Variants in TRPM1 observed in about 807,000 individuals in gnomAD.
TRPM1 encodes the protein TRPM1-203 APA Isoform, Intron 10.
Under a neutral mutation model 149.4 loss-of-function variants are expected in TRPM1, and 113 were observed. The ratio of observed to expected loss-of-function variants is 0.76; its 90% CI spans 0.65 to 0.88. The LOEUF (loss-of-function observed/expected upper bound fraction) is 0.88, where lower values mean the gene tolerates loss of function less well. Ranked by LOEUF, TRPM1 falls within the 40% of genes least tolerant of loss-of-function variation. The probability of loss-of-function intolerance (pLI) is 0.00; values close to 1 mark genes in which losing one functional copy is unlikely to be tolerated. For synonymous variants in TRPM1, 741 were observed against 759.5 expected (o/e 0.98, Z 0.40); for missense variants, 1,976 against 2,038.7 (o/e 0.97, Z 0.59).
chr15:31,075,881 G>GT (rs201131359), intron 3 of TRPM1, among the ~76,000 whole-genome samples: 1,858 of 142,854 alleles, frequency 0.013, 9 homozygotes, highest in Non-Finnish European at 0.017. Flanking sequence ...TTTCATTCTA[G>GT]TTTTTTTTTT....
rs757425182 is a variant in TRPM1, at chr15:31,002,471, T to A, written c.4229A>T (p.His1410Leu). 3 of 1,614,250 alleles carry A rather than the reference T, an allele frequency of 1.9e-6. No homozygotes were observed. The highest frequency in any genetic ancestry group is 2.5e-6 in the Non-Finnish European group (3 of 1,180,040). Residue 1410 changes from histidine (H) to leucine (L), a missense_variant, in exon 28 of 28, where the codon CAT (histidine) becomes CTT (leucine). His to Leu is a moderately conservative substitution (Grantham distance 99). This residue lies in a region of TRPM1 where 572 missense variants were observed against 578.9 expected (regional missense o/e 0.99). Coordinates refer to ENST00000256552, the MANE Select transcript of TRPM1 (RefSeq NM_001252024.2). Reference sequence around the variant, plus strand: ...TTGAACATCTGATTTGTCCTGTCCATGTATCACATCTGTTTTATTTAAACT... The same window carrying A: ...TTGAACATCTGATTTGTCCTGTCCAAGTATCACATCTGTTTTATTTAAACT... ...SPSLNKTDVI[H>L]GQDKSDVQNT...
chr15:31,033,873 C>T (rs972820613), intron 21 of TRPM1, among the ~76,000 whole-genome samples: 1 of 152,054 alleles, frequency 6.6e-6, no homozygotes, highest in African/African-American at 2.4e-5. Flanking sequence ...TTGAATGAGG[C>T]CCAGCTAGAA....
intron 1 of TRPM1, among the ~76,000 whole-genome samples, chr15:31,160,516 C>T (rs1431958769): frequency 6.6e-6 from 1 of 152,186 alleles, no homozygotes; most frequent in African/African-American, 2.4e-5. Context: ...ACATCTGATG[C>T]AGAACAGAGG....
intron 1 of TRPM1, among the ~76,000 whole-genome samples, chr15:31,094,133 A>T (rs773420096): frequency 6.6e-6 from 1 of 152,212 alleles, no homozygotes; most frequent in Non-Finnish European, 1.5e-5. Context: ...GTCAACTAAT[A>T]GTGCTTGGAA....
rs2141099438 is a variant in TRPM1 at position 31,002,372 on chromosome 15, G to A, written c.4328C>T (p.Thr1443Ile). The A allele has an allele frequency of 6.2e-7, 1 of 1,614,218 alleles. No individual in the cohort carries two copies. Among genetic ancestry groups the A allele is most frequent in the Non-Finnish European group, 8.5e-7 (1 of 1,180,040 alleles). The change falls in exon 28 of 28, where the codon ACA becomes ATA. Residue 1443 changes from threonine (T) to isoleucine (I), a missense_variant. Physicochemically the swap from Thr to Ile is moderately conservative, Grantham distance 89. Around this residue, in one of 3 missense-constraint regions of TRPM1, gnomAD observed 572 missense variants for 578.9 expected, o/e 0.99. Transcript: ENST00000256552. ...ISYPLEETKITRYFPDETINA... is the reference protein window; with the variant it reads ...ISYPLEETKIIRYFPDETINA... ...GATCGTTTCATCGGGGAAATAGCGT[G>A]TAATTTTGGTTTCTTCCAGGGGATA...
In TRPM1 at chr15:31,028,492, A is replaced by C; in HGVS notation, c.3149-16T>G. On this transcript the variant is annotated splice_polypyrimidine_tract_variant and intron_variant, in intron 24 of 27. Coordinates refer to ENST00000256552, the MANE Select transcript of TRPM1 (RefSeq NM_001252024.2). ...CCACAAGGAGCTGAAAGAAAAAAAT[A>C]GTTTTGTCTTTGCTTTTTACATATA... The C allele has an allele frequency of 1.2e-6, 2 of 1,613,778 alleles. No individual in the cohort carries two copies. The highest frequency in any genetic ancestry group is 1.7e-6 in the Non-Finnish European group (2 of 1,180,000).
At chr15:31,129,338 C>T (rs1010464064) in intron 1 of TRPM1, among the ~76,000 whole-genome samples, 2 of 152,164 alleles carry the variant, frequency 1.3e-5, no homozygotes, top group Admixed American at 6.5e-5. Flanking sequence ...GTAAGGGACC[C>T]GGGCCGCCTG....
intron 2 of TRPM1, among the ~76,000 whole-genome samples, chr15:31,077,479 G>T (rs1430146005): frequency 6.6e-6 from 1 of 152,198 alleles, no homozygotes; most frequent in African/African-American, 2.4e-5. Context: ...CAGAGGCTGG[G>T]CACTGGGAAG....
chr15:31,145,711 C>T (rs1394678332), intron 1 of TRPM1, among the ~76,000 whole-genome samples: 1 of 152,118 alleles, frequency 6.6e-6, no homozygotes, highest in African/African-American at 2.4e-5. Flanking sequence ...ATGAATACAT[C>T]AGGTAGCGTA....
rs2031839576 is a variant in TRPM1 at position 31,002,862 on chromosome 15, G to T, written c.3838C>A (p.Leu1280Ile). ...CTATTGATGCTGCTTTGCCGGAGAA[G>T]ATACGTTGCCTCACATTCAGAAGAA... Reference protein sequence around the residue: ...RASSECEATYLLRQSSINSAD... With the variant: ...RASSECEATYILRQSSINSAD... The change falls in exon 28 of 28, where the codon CTT becomes ATT. Residue 1280 changes from leucine to isoleucine, a missense_variant. Transcript: ENST00000256552. 6.2e-7 allele frequency: 1 copy of T among 1,614,212 alleles called. No individual in the cohort carries two copies. The highest frequency in any genetic ancestry group is 8.5e-7 in the Non-Finnish European group (1 of 1,180,034).
chr15:31,025,994 G>T, intron 27 of TRPM1, 145 bp downstream of exon 27: 1 of 1,176,416 alleles, frequency 8.5e-7, no homozygotes, highest in Non-Finnish European at 1.2e-6. Flanking sequence ...CTATTTCGTG[G>T]GAACCACGTT....
chr15:31,104,795 C>G (rs913670268), upstream of TRPM1, among the ~76,000 whole-genome samples: 1 of 151,962 alleles, frequency 6.6e-6, no homozygotes, highest in Admixed American at 6.6e-5. Context: ...TGGGTTTCAC[C>G]GTGTTGGCCA....
chr15:31,154,333 TG>T (rs1352670236), intron 1 of TRPM1, among the ~76,000 whole-genome samples: 1 of 152,118 alleles, frequency 6.6e-6, no homozygotes, highest in African/African-American at 2.4e-5. Flanking sequence ...GAGGGTGGCA[TG>T]GGGTGTGTTA....
chr15:31,066,054 G>C, intron 7 of TRPM1, 22 bp downstream of exon 7: 1 of 1,612,096 alleles, frequency 6.2e-7, no homozygotes, highest in Non-Finnish European at 8.5e-7. Flanking sequence ...CAGGAGGACT[G>C]CGTGCCTTTG....
At chr15:31,030,950 G>C (rs1567001484) in intron 23 of TRPM1, 33 bp downstream of exon 23, 1 of 1,612,976 alleles carries the variant, frequency 6.2e-7, no homozygotes, top group Admixed American at 1.7e-5. Flanking sequence ...TCAGAAGCAG[G>C]GAAGAGAATC....
chr15:31,153,789 T>C (rs1050518698), intron 1 of TRPM1, among the ~76,000 whole-genome samples: 4 of 152,238 alleles, frequency 2.6e-5, no homozygotes, highest in Non-Finnish European at 5.9e-5. Flanking sequence ...CTCCTGAGCC[T>C]GTGTCACGGG....
At chr15:31,010,536 ATTAT>A (rs1396705398) in intron 27 of TRPM1, among the ~76,000 whole-genome samples, 1 of 151,916 alleles carries the variant, frequency 6.6e-6, no homozygotes, top group Non-Finnish European at 1.5e-5. Context: ...TGATCTATTG[ATTAT>A]TTAAGAGTGT....
intron 2 of TRPM1, 46 bp from the exon 3 acceptor site, chr15:31,077,030 C>A: frequency 7.8e-7 from 1 of 1,276,994 alleles, no homozygotes; most frequent in Non-Finnish European, 1.1e-6. Context: ...CATTCCCAAG[C>A]CATCATCAGA....
At chr15:31,149,547 A>G (rs1221874041) in intron 1 of TRPM1, among the ~76,000 whole-genome samples, 4 of 118,960 alleles carry the variant, frequency 3.4e-5, no homozygotes, top group African/African-American at 1.4e-4. Context: ...TTTTTTTGAG[A>G]CGGAGTCTTT....
Sources: gnomAD v4.1 joint callset for allele counts (sites outside exome capture counted in the v4.1 genomes callset) on GRCh38, gnomAD v4.1.1 for gene constraint, gnomAD v4.1.1 regional missense constraint, MANE v1.5 for transcripts, NCBI Gene and HGNC (gene_info 2026-07-23, HGNC 2026-07-21) for gene names.